The following FN1 variants were observed in gnomAD, a reference collection of about 807,000 sequenced individuals.
FN1 encodes fibronectin 1, also known as fibronectin.
A neutral mutation model predicts 297.3 loss-of-function variants in FN1; 106 were observed. That is an observed-to-expected ratio of 0.36 (90% CI 0.30 to 0.42). The LOEUF (loss-of-function observed/expected upper bound fraction) is 0.42. FN1 is among the 10% of genes least tolerant of loss of function. The probability of loss-of-function intolerance (pLI) is 1.00; values close to 1 mark genes in which losing one functional copy is unlikely to be tolerated. For missense variants in FN1, 2,690 were observed against 3,124.9 expected (o/e 0.86, Z 3.32); for synonymous variants, 1,149 against 1,152.6 (o/e 1.00, Z 0.06).
intron 6 of FN1, among the ~76,000 whole-genome samples, chr2:215,427,164 C>G (rs530052204): frequency 6.6e-6 from 1 of 152,074 alleles, no homozygotes; most frequent in Non-Finnish European, 1.5e-5. Context: ...CGTGAGCCAC[C>G]GCGCGTGGCC....
chr2:215,401,239 A>AAGGAAGGAAGG (rs1559475259), intron 20 of FN1, among the ~76,000 whole-genome samples: 17 of 65,594 alleles, frequency 2.6e-4, no homozygotes, highest in Admixed American at 4.8e-4. Flanking sequence ...AGAAAGAAAG[A>AAGGAAGGAAGG]AAGAAAGAAA....
chr2:215,371,916 G>C lies in FN1; in HGVS notation c.6707C>G (p.Pro2236Arg), dbSNP rs144536753. 66 of 1,611,828 alleles carry C rather than the reference G, an allele frequency of 4.1e-5. No individual in the cohort carries two copies. The highest frequency in any genetic ancestry group is 1.0e-4 in the Admixed American group (6 of 60,024). The change falls in exon 40 of 46, where the codon CCC becomes CGC. Residue 2236 changes from proline (P) to arginine (R), a missense_variant. This residue lies in a region of FN1 where 1,743 missense variants were observed against 1,945.2 expected (regional missense o/e 0.90). Transcript: ENST00000354785. ...AAGAGAACAATTAATTACCTGTAAG[G>C]GTTCTTCATCAGTGCCAACAGGATG... is the stretch of plus-strand genomic sequence containing the variant. ...SCHPVGTDEEPLQFRVPGTST... is the reference protein window; with the variant it reads ...SCHPVGTDEERLQFRVPGTST...
Position 215,363,142 on chromosome 2 carries a change from T to C in FN1, c.7252-1063A>G, listed in dbSNP as rs576484371. On this transcript the variant is annotated intron_variant, in intron 44 of 45. Coordinates refer to ENST00000354785, the MANE Select transcript of FN1 (RefSeq NM_212482.4). ...ACTACCTCCTTACAGAATCACTGAA[T>C]CTTGCTTTCATATGAGAAAGTGAAC... 4 of 152,332 alleles carry C rather than the reference T, an allele frequency of 2.6e-5. 1 individual carries two copies. In the South Asian group the frequency reaches 8.3e-4, roughly 32 times the overall value. 9.4% of individuals were successfully genotyped at this position (152,332 alleles called of 1,614,324 possible).
In FN1 at chr2:215,394,538, G is replaced by C; in HGVS notation, c.3786C>G (p.Thr1262=). 1 of 1,612,522 alleles carries C rather than the reference G, an allele frequency of 6.2e-7. No homozygotes were observed. The change falls in exon 24 of 46, where the codon ACC becomes ACG. Residue 1262 remains threonine, a synonymous_variant. Coordinates refer to ENST00000354785, the MANE Select transcript of FN1 (RefSeq NM_212482.4). ...DDKESVPISD[T]IIPEVPQLTD... ...TTATTTTTCTATTACCTGGGATGATGGTATCAGAGATAGGGACACTTTCCT... is the reference window on the plus strand; with the variant it reads ...TTATTTTTCTATTACCTGGGATGATCGTATCAGAGATAGGGACACTTTCCT...
In FN1 at chr2:215,422,238, C is replaced by T. The variant is rs1264970850; in HGVS notation, c.1399G>A (p.Glu467Lys). 6.8e-6 allele frequency: 11 copies of T among 1,613,940 alleles called. No homozygotes were observed. Among genetic ancestry groups the T allele is most frequent in the African/African-American group, 1.3e-5 (1 of 75,016 alleles). Residue 467 changes from glutamate (E) to lysine (K), a missense_variant, in exon 10 of 46, where the codon GAG becomes AAG. By Grantham distance (56) the Glu-to-Lys change is moderately conservative. This residue lies in a region of FN1 where 876 missense variants were observed against 1,058.1 expected (regional missense o/e 0.83). Transcript: ENST00000354785. ...KFGFCPMAAH[E>K]EICTTNEGVM... ...CCTTCATTGGTTGTGCAGATTTCCT[C>T]GTGGGCTGTTTGGAAATGGATAAGA... is the stretch of plus-strand genomic sequence containing the variant.
intron 9 of FN1, among the ~76,000 whole-genome samples, chr2:215,422,962 A>G (rs1322307061): frequency 6.6e-6 from 1 of 152,162 alleles, no homozygotes; most frequent in African/African-American, 2.4e-5. Flanking sequence ...CCATGTGTCA[A>G]TATTGTAGCT....
intron 25 of FN1, 28 bp from the exon 26 acceptor site, chr2:215,391,842 GT>G (rs1559434629): frequency 6.2e-7 from 1 of 1,605,502 alleles, no homozygotes; most frequent in Non-Finnish European, 8.5e-7. Context: ...GGAAGACTCA[GT>G]TAATGTAATT....
intron 2 of FN1, among the ~76,000 whole-genome samples, chr2:215,433,791 A>C (rs1317543619): frequency 1.3e-5 from 2 of 152,266 alleles, no homozygotes; most frequent in Non-Finnish European, 2.9e-5. Flanking sequence ...AGAAAGTCAA[A>C]GCAAGGTTCA....
chr2:215,414,077 T>C (rs1207938489), intron 13 of FN1, among the ~76,000 whole-genome samples: 1 of 152,370 alleles, frequency 6.6e-6, no homozygotes, highest in East Asian at 1.9e-4. Flanking sequence ...TTCTTTGTAA[T>C]TGTAGAATTC....
chr2:215,393,395 C>T (rs2059938558), intron 24 of FN1, 192 bp from the exon 25 acceptor site: 2 of 474,688 alleles, frequency 4.2e-6, no homozygotes, highest in East Asian at 6.8e-5. Context: ...GTTTGCTTCC[C>T]TAGAAGAATA....
At chr2:215,408,467 A>C in intron 15 of FN1, 41 bp from the exon 16 acceptor site, 1 of 1,604,546 alleles carries the variant, frequency 6.2e-7, no homozygotes, top group Non-Finnish European at 8.5e-7. Flanking sequence ...AGAGCAAACT[A>C]GTCCCTCAAA....
At position 215,361,365 on chromosome 2, in the gene FN1, G is replaced by A. The variant is rs1575139367; in HGVS notation, c.*190C>T. 1.5e-6 allele frequency: 1 copy of A among 653,678 alleles called. No individual in the cohort carries two copies. Among genetic ancestry groups the A allele is most frequent in the East Asian group, 2.6e-5 (1 of 37,846 alleles). 40.5% of individuals were successfully genotyped at this position (653,678 alleles called of 1,614,324 possible). A position where few individuals can be genotyped will look rare whatever the true frequency, so the allele number is the denominator to read the frequency against. Reference sequence around the variant, plus strand: ...GGCAATGTGCAGCCCTCATTTATGAGAAAACCCTCAGGAAACTCCCAGGGT... The same window carrying A: ...GGCAATGTGCAGCCCTCATTTATGAAAAAACCCTCAGGAAACTCCCAGGGT... On this transcript the variant is annotated 3_prime_UTR_variant, in exon 46 of 46. Transcript: ENST00000354785.
chr2:215,372,273 G>A lies in FN1; in HGVS notation c.6350C>T (p.Pro2117Leu), dbSNP rs777138205. Residue 2117 changes from proline to leucine, a missense_variant, in exon 40 of 46, where the codon CCT becomes CTT. This residue lies in a region of FN1 where 1,743 missense variants were observed against 1,945.2 expected (regional missense o/e 0.90). Transcript: ENST00000354785. Reference protein sequence around the residue: ...TVQKTPFVTHPGYDTGNGIQL... With the variant: ...TVQKTPFVTHLGYDTGNGIQL... ...AATACCATTTCCAGTGTCATACCCA[G>A]GGTGGGTGACGAAAGGGGTCTTTTG... is the stretch of plus-strand genomic sequence containing the variant. 4.3e-6 allele frequency: 7 copies of A among 1,614,134 alleles called. No homozygotes were observed. Among genetic ancestry groups the A allele is most frequent in the Non-Finnish European group, 5.9e-6 (7 of 1,179,954 alleles).
At position 215,411,785 on chromosome 2, in the gene FN1, G is replaced by A. The variant is rs181590246; in HGVS notation, c.1942-1671C>T. 7.5e-4 allele frequency among the ~76,000 whole-genome samples: 113 copies of A among 151,530 alleles called. No individual in the cohort carries two copies. In the South Asian group the frequency reaches 0.018, roughly 24 times the overall value. ...GGTTTCAAGCGATTCTCCTGCCTCA[G>A]CTTCCCGAGTAGCTGGGATTACAGG... On this transcript the variant is annotated intron_variant, in intron 13 of 45. Transcript: ENST00000354785.
intron 44 of FN1, 54 bp from the exon 45 acceptor site, chr2:215,362,133 C>T (rs1242206251): frequency 1.6e-5 from 22 of 1,350,972 alleles, no homozygotes; most frequent in East Asian, 2.3e-5. Context: ...CTGAGGACAT[C>T]GTAATTTAGT....
chr2:215,394,572 T>A lies in FN1; in HGVS notation c.3752A>T (p.Lys1251Met). 8.7e-6 allele frequency: 14 copies of A among 1,614,120 alleles called. No individual in the cohort carries two copies. Among genetic ancestry groups the A allele is most frequent in the Non-Finnish European group, 1.1e-5 (13 of 1,179,960 alleles). The change falls in exon 24 of 46, where the codon AAG becomes ATG. Residue 1251 changes from lysine to methionine, a missense_variant. Coordinates refer to ENST00000354785, the MANE Select transcript of FN1 (RefSeq NM_212482.4). ...LEYNVSVYTV[K>M]DDKESVPISD... ...GATAGGGACACTTTCCTTGTCATCC[T>A]TGACAGTGTAAACACTGACATTGTA...
In FN1 at chr2:215,435,639, C is replaced by G. The variant is rs367674539; in HGVS notation, c.148+16G>C. The G allele has an allele frequency of 8.7e-6, 14 of 1,613,290 alleles. No homozygotes were observed. The highest frequency in any genetic ancestry group is 5.3e-5 in the African/African-American group (4 of 74,930). On this transcript the variant is annotated intron_variant, in intron 1 of 45. Coordinates refer to ENST00000354785, the MANE Select transcript of FN1 (RefSeq NM_212482.4). ...ATCCCTGAGGCAGCCTGTTTCAGCCCGCGGTCAGTACTCACGCTTGCTTTG... is the reference window on the plus strand; with the variant it reads ...ATCCCTGAGGCAGCCTGTTTCAGCCGGCGGTCAGTACTCACGCTTGCTTTG...
chr2:215,423,420 G>T lies in FN1; in HGVS notation c.1323C>A (p.Asp441Glu), dbSNP rs777852651. 6.2e-7 allele frequency: 1 copy of T among 1,614,210 alleles called. No individual in the cohort carries two copies. ...GTGTGGTCCCACACCACTTCATGTTGTCTCTTCTGCCCTCAGAAGTGCAAT... is the reference window on the plus strand; with the variant it reads ...GTGTGGTCCCACACCACTTCATGTTTTCTCTTCTGCCCTCAGAAGTGCAAT... ...YTDCTSEGRRDNMKWCGTTQN... is the reference protein window; with the variant it reads ...YTDCTSEGRRENMKWCGTTQN... The change falls in exon 9 of 46, where the codon GAC (aspartate) becomes GAA (glutamate). Residue 441 changes from aspartate to glutamate, a missense_variant. Coordinates refer to ENST00000354785, the MANE Select transcript of FN1 (RefSeq NM_212482.4).
rs2061534312 is a variant in FN1, at chr2:215,404,589, G to A, written c.3053C>T (p.Thr1018Ile). 6.2e-7 allele frequency: 1 copy of A among 1,613,264 alleles called. No individual in the cohort carries two copies. Among genetic ancestry groups the A allele is most frequent in the African/African-American group, 1.3e-5 (1 of 74,906 alleles). The change falls in exon 20 of 46, where the codon ACT (threonine) becomes ATT (isoleucine). Residue 1018 changes from threonine to isoleucine, a missense_variant. By Grantham distance (89) the Thr-to-Ile change is moderately conservative. Transcript: ENST00000354785. ...ETDSTVLVRWTPPRAQITGYR... is the reference protein window; with the variant it reads ...ETDSTVLVRWIPPRAQITGYR... ...TCCTGTTATCTGGGCCCGAGGTGGA[G>A]TCCATCTCACCAGGACAGTAGAATC...
Sources: gnomAD v4.1 joint callset for allele counts (sites outside exome capture counted in the v4.1 genomes callset) on GRCh38, gnomAD v4.1.1 for gene constraint, gnomAD v4.1.1 regional missense constraint, MANE v1.5 for transcripts, NCBI Gene and HGNC (gene_info 2026-07-23, HGNC 2026-07-21) for gene names.